DLGAP2: variants seen among roughly 807,000 people sequenced by gnomAD.
DLGAP2 encodes DLG associated protein 2, also known as disks large-associated protein 2.
In DLGAP2, 26 loss-of-function variants were observed where a neutral mutation model predicts 100.3. That is an observed-to-expected ratio of 0.26 (90% CI 0.19 to 0.36). The LOEUF (loss-of-function observed/expected upper bound fraction) is 0.36, where lower values mean the gene tolerates loss of function less well. Ranked by LOEUF, DLGAP2 falls within the 10% of genes least tolerant of loss-of-function variation. The pLI is 1.00. For missense variants in DLGAP2, 1,858 were observed against 1,453.2 expected (o/e 1.28, Z -4.53); for synonymous variants, 886 against 630.1 (o/e 1.41, Z -6.08).
intron 2 of DLGAP2, among the ~76,000 whole-genome samples, chr8:1,224,117 T>G (rs140800901): frequency 1.0e-3 from 152 of 152,302 alleles, no homozygotes; most frequent in Non-Finnish European, 2.4e-4. Flanking sequence ...ACCACATGGA[T>G]GATTAAGATA....
chr8:1,437,813 CAAAAA>C (rs59165125), intron 3 of DLGAP2, among the ~76,000 whole-genome samples: 1,563 of 85,246 alleles, frequency 0.018, 23 homozygotes, highest in African/African-American at 0.053. Flanking sequence ...ACTAAAAATA[CAAAAA>C]AAAAAAAAAA....
At chr8:1,530,618 G>C (rs1266322866) in intron 4 of DLGAP2, among the ~76,000 whole-genome samples, 1 of 152,162 alleles carries the variant, frequency 6.6e-6, no homozygotes. Context: ...AAGTGTCCAT[G>C]AAATCTTTAC....
At chr8:1,108,077 G>T (rs958906700) in intron 2 of DLGAP2, among the ~76,000 whole-genome samples, 32 of 152,162 alleles carry the variant, frequency 2.1e-4, no homozygotes, top group African/African-American at 7.7e-4. Context: ...TGAAAAAATG[G>T]TCCTAATTTC....
intron 4 of DLGAP2, among the ~76,000 whole-genome samples, chr8:1,509,270 G>C (rs1441679149): frequency 6.6e-6 from 1 of 150,748 alleles, no homozygotes; most frequent in South Asian, 2.1e-4. Context: ...GGCAGAGATT[G>C]CAGTGAGCTG....
chr8:1,260,001 G>A (rs1470432553), intron 3 of DLGAP2, among the ~76,000 whole-genome samples: 4 of 152,154 alleles, frequency 2.6e-5, no homozygotes, highest in South Asian at 4.1e-4. Context: ...CAAAACATCA[G>A]ACTTTGGACA....
chr8:1,026,749 A>C (rs1801811631), intron 2 of DLGAP2, among the ~76,000 whole-genome samples: 1 of 152,266 alleles, frequency 6.6e-6, no homozygotes, highest in Non-Finnish European at 1.5e-5. Flanking sequence ...TTACTCATGC[A>C]AAACAGCATT....
In DLGAP2 at chr8:1,335,710, C is replaced by T. The variant is rs1000663475; in HGVS notation, c.106+76827C>T. Among the ~76,000 whole-genome samples, 16 of 152,266 alleles carry T rather than the reference C, an allele frequency of 1.1e-4. No individual in the cohort carries two copies. The East Asian group carries it at 2.1e-3, about 20-fold the overall frequency. ...AAGAACACATATTGTCTGTGCAGGA[C>T]GCAGGACGCCCAGGGAACCCTGAGT... is the stretch of plus-strand genomic sequence containing the variant. On this transcript the variant is annotated intron_variant, in intron 3 of 14. Transcript: ENST00000637795.
At chr8:1,174,885 G>C (rs868832680) in intron 2 of DLGAP2, among the ~76,000 whole-genome samples, 5 of 152,126 alleles carry the variant, frequency 3.3e-5, no homozygotes, top group African/African-American at 7.2e-5. Flanking sequence ...AGGGAAAGAA[G>C]GTGAGACAGG....
At chr8:1,488,306 C>T (rs1012637935) in intron 3 of DLGAP2, among the ~76,000 whole-genome samples, 2 of 152,142 alleles carry the variant, frequency 1.3e-5, no homozygotes, top group East Asian at 1.9e-4. Flanking sequence ...GAGGACGCAG[C>T]GGGGTGGCTC....
At chr8:1,494,546 T>G (rs1444232892) in intron 3 of DLGAP2, among the ~76,000 whole-genome samples, 1 of 152,050 alleles carries the variant, frequency 6.6e-6, no homozygotes, top group African/African-American at 2.4e-5. Flanking sequence ...CTGGCCAACA[T>G]GATGAAACCC....
chr8:1,501,375 C>G lies in DLGAP2; in HGVS notation c.116C>G (p.Ala39Gly), dbSNP rs184116008. The G allele has an allele frequency of 1.6e-5, 25 of 1,535,890 alleles. No homozygotes were observed. Among genetic ancestry groups the G allele is most frequent in the Non-Finnish European group, 2.1e-5 (24 of 1,146,748 alleles). ...GTTTCTGTCTTTGCAGAGGAAGAAGCTGGAGACTTGGTCCAGCCGGGCATC... is the reference window on the plus strand; with the variant it reads ...GTTTCTGTCTTTGCAGAGGAAGAAGGTGGAGACTTGGTCCAGCCGGGCATC... ...TLCGEPEEEE[A>G]GDLVQPGISF... The change falls in exon 4 of 15, where the codon GCT becomes GGT. Residue 39 changes from alanine (A) to glycine (G), a missense_variant. By Grantham distance (60) the Ala-to-Gly change is moderately conservative. Transcript: ENST00000637795.
At chr8:1,061,371 G>C (rs1254737033) in intron 2 of DLGAP2, among the ~76,000 whole-genome samples, 1 of 152,138 alleles carries the variant, frequency 6.6e-6, no homozygotes, top group African/African-American at 2.4e-5. Context: ...TGTGGAAGCT[G>C]AAATGTGTGT....
intron 2 of DLGAP2, among the ~76,000 whole-genome samples, chr8:1,193,034 G>T (rs578093159): frequency 6.6e-6 from 1 of 152,190 alleles, no homozygotes; most frequent in African/African-American, 2.4e-5. Context: ...AGTATTCCAT[G>T]GTGTATATGT....
At position 1,362,485 on chromosome 8, in the gene DLGAP2, G is replaced by A. The variant is rs922008115; in HGVS notation, c.106+103602G>A. Among the ~76,000 whole-genome samples the A allele has an allele frequency of 5.3e-4, 81 of 152,202 alleles. 1 individual carries two copies. The highest frequency in any genetic ancestry group is 4.3e-3 in the Admixed American group (66 of 15,304). On this transcript the variant is annotated intron_variant, in intron 3 of 14. Coordinates refer to ENST00000637795, the MANE Select transcript of DLGAP2 (RefSeq NM_001346810.2). ...TGTGCAGCCTCCGGCGGGGACACCC[G>A]TCAGTGTCCTCATTTCCCCTTACAC...
chr8:1,641,164 C>T (rs1415964271), intron 8 of DLGAP2, among the ~76,000 whole-genome samples: 1 of 152,182 alleles, frequency 6.6e-6, no homozygotes, highest in Non-Finnish European at 1.5e-5. Flanking sequence ...AAATACTTGA[C>T]ACCTCTGTCT....
At chr8:837,593 G>A (rs1230223692) in intron 1 of DLGAP2, among the ~76,000 whole-genome samples, 1 of 151,898 alleles carries the variant, frequency 6.6e-6, no homozygotes, top group Non-Finnish European at 1.5e-5. Context: ...CGCAGGCAGC[G>A]GTCTCTGGTC....
intron 6 of DLGAP2, among the ~76,000 whole-genome samples, chr8:1,567,931 G>C (rs1358821947): frequency 6.6e-6 from 1 of 152,240 alleles, no homozygotes; most frequent in East Asian, 1.9e-4. Flanking sequence ...AATCTGATCA[G>C]ATGTGAGGAA....
At chr8:1,456,592 C>T (rs1798319008) in intron 3 of DLGAP2, among the ~76,000 whole-genome samples, 1 of 152,148 alleles carries the variant, frequency 6.6e-6, no homozygotes, top group Admixed American at 6.5e-5. Flanking sequence ...CTTTTTGCAG[C>T]AAACTAAGCA....
chr8:1,130,897 T>A (rs1197121249), intron 2 of DLGAP2, among the ~76,000 whole-genome samples: 1 of 150,038 alleles, frequency 6.7e-6, no homozygotes, highest in Admixed American at 6.8e-5. Context: ...CGGCAGCGGC[T>A]GGGCTGAGAG....
Sources: allele counts gnomAD v4.1 joint callset (sites outside exome capture counted in the v4.1 genomes callset), GRCh38; gene constraint gnomAD v4.1.1; transcripts MANE v1.5; gene names NCBI Gene and HGNC (gene_info 2026-07-23, HGNC 2026-07-21).